The following ATF6 variants were observed in gnomAD, a reference collection of about 807,000 sequenced individuals.
ATF6 encodes cyclic AMP-dependent transcription factor ATF-6 alpha.
Under a neutral mutation model 83.6 loss-of-function variants are expected in ATF6, and 53 were observed. The ratio of observed to expected loss-of-function variants is 0.63; its 90% CI spans 0.51 to 0.80. The LOEUF (loss-of-function observed/expected upper bound fraction) is 0.80, where lower values mean the gene tolerates loss of function less well. ATF6 is among the 30% of genes least tolerant of loss of function. The probability of loss-of-function intolerance (pLI) is 0.00; values close to 1 mark genes in which losing one functional copy is unlikely to be tolerated. For missense variants in ATF6, 744 were observed against 797.9 expected (o/e 0.93, Z 0.81); for synonymous variants, 288 against 285.8 (o/e 1.01, Z -0.08).
At chr1:161,851,385 C>T (rs907099358) in intron 10 of ATF6, among the ~76,000 whole-genome samples, 2 of 152,058 alleles carry the variant, frequency 1.3e-5, no homozygotes, top group African/African-American at 4.8e-5. Context: ...TCAATTACCC[C>T]GTTACTGTGT....
intron 14 of ATF6, among the ~76,000 whole-genome samples, chr1:161,877,251 T>C (rs2101854220): frequency 6.6e-6 from 1 of 152,254 alleles, no homozygotes. Context: ...TAATACATAG[T>C]CTCTGTGCTC....
intron 15 of ATF6, among the ~76,000 whole-genome samples, chr1:161,925,217 C>T (rs1426757249): frequency 6.6e-6 from 1 of 152,192 alleles, no homozygotes; most frequent in Non-Finnish European, 1.5e-5. Context: ...GGTTTTTCCA[C>T]ATCTGTTAAA....
intron 14 of ATF6, among the ~76,000 whole-genome samples, chr1:161,889,017 C>T (rs1422725343): frequency 2.0e-5 from 3 of 152,182 alleles, no homozygotes; most frequent in Admixed American, 6.5e-5. Context: ...ATATATAATT[C>T]TCTTTACCGC....
chr1:161,798,266 TGAA>T (rs1685066799), intron 6 of ATF6, among the ~76,000 whole-genome samples: 1 of 152,164 alleles, frequency 6.6e-6, no homozygotes, highest in Admixed American at 6.6e-5. Context: ...GATTTCATGA[TGAA>T]GACTCCAAAA....
chr1:161,903,276 C>T (rs912613196), intron 14 of ATF6, among the ~76,000 whole-genome samples: 2 of 152,148 alleles, frequency 1.3e-5, no homozygotes, highest in Non-Finnish European at 2.9e-5. Context: ...ATAGGGGTGT[C>T]TCCTTTTCCT....
chr1:161,794,198 C>T (rs897320803), intron 6 of ATF6, among the ~76,000 whole-genome samples: 1 of 152,264 alleles, frequency 6.6e-6, no homozygotes, highest in Admixed American at 6.5e-5. Context: ...GCCACCGCGC[C>T]TGGTGCCTTG....
intron 15 of ATF6, among the ~76,000 whole-genome samples, chr1:161,922,436 C>A: frequency 6.6e-6 from 1 of 151,942 alleles, no homozygotes; most frequent in African/African-American, 2.4e-5. Context: ...AATAAGGTAC[C>A]CATGATTTGT....
At chr1:161,780,942 C>T (rs1266412135) in intron 2 of ATF6, among the ~76,000 whole-genome samples, 4 of 152,168 alleles carry the variant, frequency 2.6e-5, no homozygotes, top group African/African-American at 7.2e-5. Flanking sequence ...TCTTGAACCC[C>T]TGGGCTCAAG....
intron 15 of ATF6, among the ~76,000 whole-genome samples, chr1:161,921,623 A>G (rs1216944064): frequency 6.6e-6 from 1 of 152,184 alleles, no homozygotes; most frequent in East Asian, 1.9e-4. Context: ...ACTGCCATTC[A>G]AAGAAATGGA....
chr1:161,946,039 T>C (rs1180131302), intron 15 of ATF6, among the ~76,000 whole-genome samples: 1 of 152,192 alleles, frequency 6.6e-6, no homozygotes, highest in African/African-American at 2.4e-5. Context: ...AGGGTGTCAG[T>C]CTGTCACCCA....
intron 14 of ATF6, among the ~76,000 whole-genome samples, chr1:161,890,612 C>A (rs913929269): frequency 6.6e-6 from 1 of 152,180 alleles, no homozygotes; most frequent in African/African-American, 2.4e-5. Flanking sequence ...GGTGGAAGGG[C>A]GGCTTCGGGA....
chr1:161,851,096 A>G (rs1686606743), intron 10 of ATF6, among the ~76,000 whole-genome samples: 1 of 150,676 alleles, frequency 6.6e-6, no homozygotes, highest in Non-Finnish European at 1.5e-5. Context: ...CAACTCTTTC[A>G]CTTTTCTCCT....
At chr1:161,820,630 C>T (rs537414792) in intron 8 of ATF6, among the ~76,000 whole-genome samples, 1 of 152,050 alleles carries the variant, frequency 6.6e-6, no homozygotes, top group African/African-American at 2.4e-5. Context: ...CACCTGTAAT[C>T]CCAGCTACTC....
At chr1:161,772,635 A>T (rs1018285061) in intron 1 of ATF6, among the ~76,000 whole-genome samples, 1 of 151,890 alleles carries the variant, frequency 6.6e-6, no homozygotes, top group Non-Finnish European at 1.5e-5. Context: ...TGCTCAAGCT[A>T]TTCTTCCTCC....
At chr1:161,940,380 C>G (rs964340838) in intron 15 of ATF6, among the ~76,000 whole-genome samples, 5 of 151,792 alleles carry the variant, frequency 3.3e-5, no homozygotes, top group Non-Finnish European at 7.4e-5. Flanking sequence ...TGAACCAACT[C>G]TTTCTATCTC....
chr1:161,857,508 A>C (rs1242899201), intron 12 of ATF6, among the ~76,000 whole-genome samples: 1 of 152,176 alleles, frequency 6.6e-6, no homozygotes, highest in East Asian at 1.9e-4. Context: ...ACATTTTCAC[A>C]TAGAGAAAAC....
intron 7 of ATF6, among the ~76,000 whole-genome samples, chr1:161,806,266 C>T (rs935159096): frequency 6.6e-6 from 1 of 152,196 alleles, no homozygotes; most frequent in Admixed American, 6.5e-5. Context: ...TGTTGCCACA[C>T]ATCAAACCAA....
At chr1:161,851,271 CACA>C (rs1557995061) in intron 10 of ATF6, among the ~76,000 whole-genome samples, 6 of 149,664 alleles carry the variant, frequency 4.0e-5, no homozygotes, top group African/African-American at 1.5e-4. Flanking sequence ...CACACACACA[CACA>C]CCCCTACCTG....
intron 15 of ATF6, among the ~76,000 whole-genome samples, chr1:161,946,759 T>TA (rs1468611331): frequency 2.6e-5 from 4 of 152,188 alleles, no homozygotes; most frequent in South Asian, 4.1e-4. Flanking sequence ...GCAGGTCTTC[T>TA]AAAAAACCAA....
Sources: gnomAD v4.1 joint callset for allele counts (sites outside exome capture counted in the v4.1 genomes callset) on GRCh38, gnomAD v4.1.1 for gene constraint, MANE v1.5 for transcripts, NCBI Gene and HGNC (gene_info 2026-07-23, HGNC 2026-07-21) for gene names.